Variants in TRMU observed in about 807,000 individuals in gnomAD.
TRMU encodes the protein tRNA mitochondrial 2-thiouridylase.
A neutral mutation model predicts 46.9 loss-of-function variants in TRMU; 49 were observed. The observed-to-expected ratio is 1.05, with a 90% CI of 0.83 to 1.33. TRMU has a LOEUF of 1.33. Among genes scored for constraint, TRMU ranks in the 40% most tolerant of loss-of-function variants. The pLI is 0.00. For missense variants in TRMU, 572 were observed against 532.4 expected (o/e 1.07, Z -0.73); for synonymous variants, 241 against 200.9 (o/e 1.20, Z -1.69).
chr22:46,355,907 G>C, intron 9 of TRMU, 83 bp from the exon 10 acceptor site: 1 of 1,509,248 alleles, frequency 6.6e-7, no homozygotes, highest in Non-Finnish European at 9.2e-7. Context: ...GACCCCGTGG[G>C]CTGGTGCTCC....
Position 46,337,935 on chromosome 22 carries a change from A to C in TRMU, c.239A>C (p.Asp80Ala). 2 of 1,614,174 alleles carry C rather than the reference A, an allele frequency of 1.2e-6. No homozygotes were observed. Among genetic ancestry groups the C allele is most frequent in the Non-Finnish European group, 8.5e-7 (1 of 1,180,010 alleles). The part of the protein sequence containing the change: ...QVSYVKEYWN[D>A]VFSDFLNEYE... ...TCCTACGTAAAGGAGTATTGGAATG[A>C]TGTGTTCAGGTGAGTGCGGGTCACA... The change falls in exon 2 of 11, where the codon GAT (aspartate) becomes GCT (alanine). Residue 80 changes from aspartate (D) to alanine (A), a missense_variant. By Grantham distance (126) the Asp-to-Ala change is moderately radical. Transcript: ENST00000645190.
rs1366201357 is a variant in TRMU, at chr22:46,351,424, A to G, written c.652-697A>G. On this transcript the variant is annotated intron_variant, in intron 5 of 10. Coordinates refer to ENST00000645190, the MANE Select transcript of TRMU (RefSeq NM_018006.5). This position sits in a 1 kb window ranked among gnomAD's most constrained non-coding sequence, Gnocchi z 6.4. ...GCTGTGGGATGAGCCTCACCTCTTC[A>G]GGGGCCAGTGCGGTGGGAGCTGTTG... 1.3e-5 allele frequency among the ~76,000 whole-genome samples: 2 copies of G among 152,124 alleles called. No individual in the cohort carries two copies. Among genetic ancestry groups the G allele is most frequent in the African/African-American group, 4.8e-5 (2 of 41,412 alleles).
In TRMU at chr22:46,357,230, C is replaced by T; in HGVS notation, c.*224C>T. On this transcript the variant is annotated 3_prime_UTR_variant, in exon 11 of 11. Coordinates refer to ENST00000645190, the MANE Select transcript of TRMU (RefSeq NM_018006.5). The stretch of plus-strand genomic sequence containing the variant: ...AGCATCTGCTGGCTGGTGGGGTGGC[C>T]CGAGTTCCCCTTCACCGCCCCCAGG... 3.2e-6 allele frequency: 2 copies of T among 630,186 alleles called. No homozygotes were observed. The highest frequency in any genetic ancestry group is 2.9e-5 in the Admixed American group (1 of 34,888). The allele number at this position is 630,186 out of a possible 1,614,324, so 39.0% of individuals were successfully genotyped here.
intron 4 of TRMU, 80 bp downstream of exon 4, chr22:46,346,624 T>G: frequency 6.7e-7 from 1 of 1,503,018 alleles, no homozygotes; most frequent in Non-Finnish European, 9.1e-7. Context: ...GGGTTGTGCC[T>G]GAGGATCACT....
chr22:46,344,621 G>A (rs929276092), intron 3 of TRMU, among the ~76,000 whole-genome samples: 4 of 152,192 alleles, frequency 2.6e-5, no homozygotes, highest in Non-Finnish European at 5.9e-5. Flanking sequence ...TGTCACGAAA[G>A]CTTTTTAGGG....
At chr22:46,343,914 C>G (rs1001703844) in intron 3 of TRMU, among the ~76,000 whole-genome samples, 9 of 151,892 alleles carry the variant, frequency 5.9e-5, no homozygotes, top group Admixed American at 2.0e-4. Flanking sequence ...AGTGTCGGCA[C>G]TTTCAGCAAT....
rs1238539162 is a variant in TRMU, at chr22:46,352,540, A to C, written c.772+210A>C. On this transcript the variant is annotated intron_variant, in intron 7 of 10. Transcript: ENST00000645190. ...GCACTTCCAGATGTGGCCTCAGCTG[A>C]GATGCTGGAGTTCATGAAAAGCGCG... 9.5e-6 allele frequency: 6 copies of C among 628,356 alleles called. No homozygotes were observed. The Admixed American group carries it at 1.6e-4, about 17-fold the overall frequency. 38.9% of individuals were successfully genotyped at this position (628,356 alleles called of 1,614,324 possible).
chr22:46,356,473 G>A (rs1445153612), intron 10 of TRMU: 4 of 418,804 alleles, frequency 9.6e-6, no homozygotes, highest in African/African-American at 6.0e-5. Context: ...AGGGGCAGGT[G>A]GTGGGAGGGA....
chr22:46,343,429 A>C, intron 3 of TRMU, 61 bp downstream of exon 3: 1 of 1,293,632 alleles, frequency 7.7e-7, no homozygotes, highest in Non-Finnish European at 1.1e-6. Context: ...TCTGTCACCC[A>C]GGCTGGATTG....
chr22:46,338,480 G>A lies in TRMU; in HGVS notation c.248+536G>A, dbSNP rs1159031722. Among the ~76,000 whole-genome samples the A allele has an allele frequency of 1.3e-5, 2 of 152,260 alleles. No individual in the cohort carries two copies. The highest frequency in any genetic ancestry group is 2.9e-5 in the Non-Finnish European group (2 of 68,052). On this transcript the variant is annotated intron_variant, in intron 2 of 10. Transcript: ENST00000645190. The surrounding 1 kb of genome is among the most constrained non-coding windows in gnomAD (Gnocchi z 4.5). ...TGACCTGGCTCTGTAGGAGTTTGCG[G>A]TCTAGTTGGGAGGACATTATCTTCA...
rs1371261571 is a variant in TRMU, at chr22:46,353,775, C to A, written c.781C>A (p.Leu261Met). Reference sequence around the variant, plus strand: ...AAACTGTCTTTCTGTAGGTTGGTTCCTGTATACCTTGGGCCAGAGAGCAAA... The same window carrying A: ...AAACTGTCTTTCTGTAGGTTGGTTCATGTATACCTTGGGCCAGAGAGCAAA... ...KVLGTHKGWF[L>M]YTLGQRANIG... The change falls in exon 8 of 11, where the codon CTG becomes ATG. Residue 261 changes from leucine to methionine, a missense_variant. Leu to Met is a conservative substitution (Grantham distance 15, BLOSUM62 2). Coordinates refer to ENST00000645190, the MANE Select transcript of TRMU (RefSeq NM_018006.5). 6.2e-7 allele frequency: 1 copy of A among 1,613,806 alleles called. No homozygotes were observed. Among genetic ancestry groups the A allele is most frequent in the South Asian group, 1.1e-5 (1 of 91,038 alleles).
rs922810903 is a variant in TRMU, at chr22:46,351,536, T to C, written c.652-585T>C. The C allele has an allele frequency of 1.0e-5, 2 of 191,840 alleles. No individual in the cohort carries two copies. The highest frequency in any genetic ancestry group is 4.7e-5 in the African/African-American group (2 of 42,744). 11.9% of individuals were successfully genotyped at this position (191,840 alleles called of 1,614,324 possible). On this transcript the variant is annotated intron_variant, in intron 5 of 10. Coordinates refer to ENST00000645190, the MANE Select transcript of TRMU (RefSeq NM_018006.5). This position sits in a 1 kb window ranked among gnomAD's most constrained non-coding sequence, Gnocchi z 6.4. ...TGAAGAGCACGCCCACCGCCCGTCC[T>C]CCTCTCCTCTTGTTTTCCGTTTCCG...
chr22:46,348,046 C>T lies in TRMU; in HGVS notation c.478+1502C>T, dbSNP rs1198019760. ...AGCCCACTCCCGTAAGACAGCCCCC[C>T]ATTTCAGGAAGACATGGGTTTGAAT... On this transcript the variant is annotated intron_variant, in intron 4 of 10. Coordinates refer to ENST00000645190, the MANE Select transcript of TRMU (RefSeq NM_018006.5). The surrounding 1 kb of genome is among the most constrained non-coding windows in gnomAD (Gnocchi z 4.8). Among the ~76,000 whole-genome samples the T allele has an allele frequency of 6.6e-6, 1 of 151,666 alleles. No individual in the cohort carries two copies. The highest frequency in any genetic ancestry group is 2.4e-5 in the African/African-American group (1 of 41,334).
chr22:46,337,798 G>A lies in TRMU; in HGVS notation c.102G>A (p.Val34=), dbSNP rs1426898716. 2 of 1,614,244 alleles carry A rather than the reference G, an allele frequency of 1.2e-6. No homozygotes were observed. Among genetic ancestry groups the A allele is most frequent in the Non-Finnish European group, 1.7e-6 (2 of 1,180,042 alleles). ...CCGCAGGTTACCAGGTGACAGGGGTGTTTATGAAGAACTGGGACTCACTGG... is the reference window on the plus strand; with the variant it reads ...CCGCAGGTTACCAGGTGACAGGGGTATTTATGAAGAACTGGGACTCACTGG... ...LRRRGYQVTG[V]FMKNWDSLDE... is the part of the protein sequence containing the mutation. Residue 34 remains valine (V), a synonymous_variant, in exon 2 of 11, where the codon GTG becomes GTA. Transcript: ENST00000645190.
chr22:46,336,728 G>C lies in TRMU; in HGVS notation c.82+882G>C, dbSNP rs966640341. On this transcript the variant is annotated intron_variant, in intron 1 of 10. Transcript: ENST00000645190. The surrounding 1 kb of genome is among the most constrained non-coding windows in gnomAD (Gnocchi z 4.1). ...GTTAATAACCATAGCTATTATGGTAGGTACAGTAAGTGCCAAAGAGAAGGG... is the reference window on the plus strand; with the variant it reads ...GTTAATAACCATAGCTATTATGGTACGTACAGTAAGTGCCAAAGAGAAGGG... The C allele has an allele frequency of 6.6e-6, 1 of 152,238 alleles. No homozygotes were observed. Among genetic ancestry groups the C allele is most frequent in the East Asian group, 1.9e-4 (1 of 5,196 alleles). 9.4% of individuals were successfully genotyped at this position (152,238 alleles called of 1,614,324 possible).
At chr22:46,355,670 C>T in intron 9 of TRMU, 82 bp downstream of exon 9, 1 of 1,606,240 alleles carries the variant, frequency 6.2e-7, no homozygotes, top group South Asian at 1.1e-5. Flanking sequence ...GATGGGAGAC[C>T]CTGGGGTAGG....
rs2078311492 is a variant in TRMU at position 46,348,296 on chromosome 22, C to T, written c.478+1752C>T. On this transcript the variant is annotated intron_variant, in intron 4 of 10. Transcript: ENST00000645190. The surrounding 1 kb of genome is among the most constrained non-coding windows in gnomAD (Gnocchi z 4.8). The stretch of plus-strand genomic sequence containing the variant: ...AGCCATCGACCTTTATTATAGGCCA[C>T]GTGCCCTCGGAAACTTGGGACAGTA... Among the ~76,000 whole-genome samples the T allele has an allele frequency of 6.6e-6, 1 of 152,244 alleles. No homozygotes were observed. Among genetic ancestry groups the T allele is most frequent in the Non-Finnish European group, 1.5e-5 (1 of 68,052 alleles).
chr22:46,340,302 A>G (rs2078088590), intron 2 of TRMU, among the ~76,000 whole-genome samples: 1 of 152,158 alleles, frequency 6.6e-6, no homozygotes, highest in Non-Finnish European at 1.5e-5. Context: ...CAGTAGTTTC[A>G]AGATCAAGGC....
intron 8 of TRMU, chr22:46,355,079 A>T: frequency 2.8e-6 from 1 of 359,170 alleles, no homozygotes; most frequent in Non-Finnish European, 5.2e-6. Flanking sequence ...TGTCCCTGCG[A>T]ATAGAAAAAC....
Sources: gnomAD v4.1 joint callset for allele counts (sites outside exome capture counted in the v4.1 genomes callset) on GRCh38, gnomAD v4.1.1 for gene constraint, Gnocchi (gnomAD v3.1) non-coding constraint, MANE v1.5 for transcripts, NCBI Gene and HGNC (gene_info 2026-07-23, HGNC 2026-07-21) for gene names.